The following FAM20A variants were observed in gnomAD, a reference collection of about 807,000 sequenced individuals.
FAM20A encodes the protein pseudokinase FAM20A.
A neutral mutation model predicts 52.0 loss-of-function variants in FAM20A; 42 were observed. The observed-to-expected ratio is 0.81, with a 90% CI of 0.63 to 1.04. The LOEUF (loss-of-function observed/expected upper bound fraction) is 1.04. FAM20A is among the 50% of genes least tolerant of loss of function. FAM20A has a pLI of 0.00. For missense variants in FAM20A, 742 were observed against 712.7 expected, an observed-to-expected ratio of 1.04 and a Z score of -0.47; for synonymous variants, 304 against 298.9, an observed-to-expected ratio of 1.02 and a Z score of -0.18.
At chr17:68,545,841 T>C (rs1284684543) in intron 4 of FAM20A, among the ~76,000 whole-genome samples, 1 of 152,184 alleles carries the variant, frequency 6.6e-6, no homozygotes, top group African/African-American at 2.4e-5. Flanking sequence ...AGATTCTATC[T>C]CAAGAAACCA....
At position 68,601,326 on chromosome 17, in the gene FAM20A, C is replaced by G. The variant is rs979763959; in HGVS notation, c.-660G>C. On this transcript the variant is annotated 5_prime_UTR_variant, in exon 1 of 11. Transcript: ENST00000592554. ...GGCCTGGCGCCGGCACCCCCACCCA[C>G]TCTCCGCTGGCACCTGCCTCTGGCG... The G allele has an allele frequency of 6.5e-6, 1 of 152,674 alleles. No homozygotes were observed. Among genetic ancestry groups the G allele is most frequent in the Non-Finnish European group, 1.5e-5 (1 of 68,470 alleles). The allele number at this position is 152,674 out of a possible 1,614,324, so 9.5% of individuals were successfully genotyped here. A position where few individuals can be genotyped will look rare whatever the true frequency, so the allele number is the denominator to read the frequency against.
chr17:68,550,163 C>T (rs1005043357), intron 4 of FAM20A, among the ~76,000 whole-genome samples: 2 of 152,068 alleles, frequency 1.3e-5, no homozygotes, highest in African/African-American at 4.8e-5. Context: ...TGATGACAAC[C>T]AATTCCCCAA....
At chr17:68,555,456 T>G (rs2087022931) in intron 2 of FAM20A, 103 bp downstream of exon 2, 1 of 1,273,020 alleles carries the variant, frequency 7.9e-7, no homozygotes, top group South Asian at 1.2e-5. Context: ...CAGGTGTCCA[T>G]GTCAAGCCTC....
chr17:68,539,742 T>C (rs770184104), intron 9 of FAM20A, 143 bp downstream of exon 9: 1 of 770,442 alleles, frequency 1.3e-6, no homozygotes, highest in Non-Finnish European at 2.2e-6. Context: ...AAGAAGGAAA[T>C]GGAAGAAGCC....
chr17:68,571,024 C>G (rs1310157001), intron 1 of FAM20A, among the ~76,000 whole-genome samples: 1 of 152,122 alleles, frequency 6.6e-6, no homozygotes, highest in African/African-American at 2.4e-5. Context: ...CCGCCCAGTC[C>G]CATCACCTGG....
chr17:68,539,497 G>A, intron 9 of FAM20A, 101 bp from the exon 10 acceptor site: 1 of 1,086,880 alleles, frequency 9.2e-7, no homozygotes, highest in African/African-American at 1.5e-5. Flanking sequence ...AGAGATTGGG[G>A]TAAAATGCCA....
intron 8 of FAM20A, 145 bp downstream of exon 8, chr17:68,540,704 G>C (rs1170134186): frequency 9.8e-7 from 1 of 1,016,630 alleles, no homozygotes; most frequent in African/African-American, 1.6e-5. Context: ...TGTCCTCTGG[G>C]ACCTCCGCCA....
At chr17:68,599,484 T>C (rs969796477) in intron 1 of FAM20A, among the ~76,000 whole-genome samples, 1 of 152,236 alleles carries the variant, frequency 6.6e-6, no homozygotes, top group African/African-American at 2.4e-5. Context: ...TTTTTTCCTC[T>C]GTATTTTGCT....
At position 68,542,767 on chromosome 17, in the gene FAM20A, T is replaced by C. The variant is rs747581908; in HGVS notation, c.855A>G (p.Ile285Met). Residue 285 changes from isoleucine (I) to methionine (M), a missense_variant, in exon 6 of 11, where the codon ATA becomes ATG. Coordinates refer to ENST00000592554, the MANE Select transcript of FAM20A (RefSeq NM_017565.4). ...CTAGGATTTCCTTGGTGACATTTAC[T>C]ATCCTCCCCACTGTTGGCGGCACCC... is the stretch of plus-strand genomic sequence containing the variant. ...FRRVPPTVGR[I>M]VNVTKEILEV... is the part of the protein sequence containing the mutation. The C allele has an allele frequency of 1.2e-6, 2 of 1,614,182 alleles. No individual in the cohort carries two copies. Among genetic ancestry groups the C allele is most frequent in the East Asian group, 2.2e-5 (1 of 44,884 alleles).
chr17:68,594,267 C>T (rs2088388287), intron 1 of FAM20A, among the ~76,000 whole-genome samples: 2 of 151,638 alleles, frequency 1.3e-5, no homozygotes, highest in African/African-American at 4.8e-5. Context: ...GGCGTAGTGG[C>T]GGGCGCCTGT....
chr17:68,544,269 G>A (rs1175381415), intron 4 of FAM20A, among the ~76,000 whole-genome samples: 1 of 152,102 alleles, frequency 6.6e-6, no homozygotes, highest in Non-Finnish European at 1.5e-5. Flanking sequence ...AAACACAGCC[G>A]GATCATGAGG....
At chr17:68,597,610 C>A (rs1415660212) in intron 1 of FAM20A, among the ~76,000 whole-genome samples, 3 of 152,182 alleles carry the variant, frequency 2.0e-5, no homozygotes, top group Non-Finnish European at 4.4e-5. Flanking sequence ...GTCTTGAACG[C>A]CTGACCTCAG....
At chr17:68,594,439 T>G (rs1393841118) in intron 1 of FAM20A, among the ~76,000 whole-genome samples, 1 of 152,188 alleles carries the variant, frequency 6.6e-6, no homozygotes, top group Non-Finnish European at 1.5e-5. Flanking sequence ...TGTCTTCTAT[T>G]GCTGTATAAC....
chr17:68,599,683 C>G (rs1176683969), intron 1 of FAM20A, among the ~76,000 whole-genome samples: 1 of 152,128 alleles, frequency 6.6e-6, no homozygotes, highest in African/African-American at 2.4e-5. Context: ...AGAGAACTGA[C>G]CATTTACTTC....
chr17:68,600,268 C>T lies in FAM20A; in HGVS notation c.399G>A (p.Trp133Ter), dbSNP rs760683180. The T allele has an allele frequency of 1.9e-6, 3 of 1,563,870 alleles. No homozygotes were observed. The highest frequency in any genetic ancestry group is 2.4e-5 in the South Asian group (2 of 84,934). Residue 133 changes from tryptophan to a stop codon, truncating the protein, a stop_gained, in exon 1 of 11, where the codon TGG becomes TGA. Coordinates refer to ENST00000592554, the MANE Select transcript of FAM20A (RefSeq NM_017565.4). LOFTEE classifies it high-confidence loss of function. The surrounding 1 kb of genome is among the most constrained non-coding windows in gnomAD (Gnocchi z 6.2). ...LRYYRRKVAR[W>*]NRRHKMYREQ... ...GTCCCGGGCGGGGTCCTCACCTGTT[C>T]CAGCGGGCCACCTTCCTCCGGTAAT...
intron 1 of FAM20A, among the ~76,000 whole-genome samples, chr17:68,569,525 C>G (rs1326250018): frequency 1.3e-5 from 2 of 152,236 alleles, no homozygotes; most frequent in African/African-American, 4.8e-5. Context: ...TAGGCCTGCA[C>G]TGGCCAATAT....
chr17:68,570,299 C>T (rs2087503442), intron 1 of FAM20A, among the ~76,000 whole-genome samples: 1 of 152,188 alleles, frequency 6.6e-6, no homozygotes, highest in Non-Finnish European at 1.5e-5. Context: ...GTCTTGAACT[C>T]CTGACCTCAA....
chr17:68,543,292 TATC>T (rs1461260050), intron 5 of FAM20A, among the ~76,000 whole-genome samples: 11 of 152,240 alleles, frequency 7.2e-5, no homozygotes, highest in South Asian at 2.1e-4. Flanking sequence ...TTTCACCTAA[TATC>T]ATAACAGTGA....
At chr17:68,596,767 G>A (rs1049475368) in intron 1 of FAM20A, among the ~76,000 whole-genome samples, 1 of 152,176 alleles carries the variant, frequency 6.6e-6, no homozygotes, top group Non-Finnish European at 1.5e-5. Context: ...GGAGCCTGGC[G>A]TTGGCTGGCT....
Sources: gnomAD v4.1 joint callset for allele counts (sites outside exome capture counted in the v4.1 genomes callset) on GRCh38, gnomAD v4.1.1 for gene constraint, Gnocchi (gnomAD v3.1) non-coding constraint, MANE v1.5 for transcripts, NCBI Gene and HGNC (gene_info 2026-07-23, HGNC 2026-07-21) for gene names.